The following NEURL4 variants were observed in gnomAD, a reference collection of about 807,000 sequenced individuals.
NEURL4 encodes the protein neuralized-like protein 4.
NEURL4 carries 45 observed loss-of-function variants against 148.0 expected under a neutral mutation model. The observed-to-expected ratio is 0.30, with a 90% CI of 0.24 to 0.39. The LOEUF (loss-of-function observed/expected upper bound fraction) is 0.39. NEURL4 is among the 10% of genes least tolerant of loss of function. NEURL4 has a pLI of 1.00. For synonymous variants in NEURL4, 854 were observed against 869.0 expected, an observed-to-expected ratio of 0.98 and a Z score of 0.30; for missense variants, 1,776 against 2,144.0, an observed-to-expected ratio of 0.83 and a Z score of 3.39.
intron 21 of NEURL4, 48 bp from the exon 22 acceptor site, chr17:7,319,256 C>A (rs2072993782): frequency 1.3e-6 from 2 of 1,541,324 alleles, no homozygotes; most frequent in South Asian, 2.4e-5. Context: ...TGGGAAGAAC[C>A]AGGCTCCGCA....
rs1363553112 is a variant in NEURL4 at position 7,326,635 on chromosome 17, TC to T, written c.1092+75del. ...CTTGGTTCTTCCCCAGGGCCCACCC[TC>T]CTAGCACCAAGGGTCAATCCCCATC... On this transcript the variant is annotated intron_variant, in intron 4 of 28. Transcript: ENST00000399464. The surrounding 1 kb of genome is among the most constrained non-coding windows in gnomAD (Gnocchi z 6.0). 8 of 1,604,900 alleles carry T rather than the reference TC, an allele frequency of 5.0e-6. No individual in the cohort carries two copies. Among genetic ancestry groups the T allele is most frequent in the Non-Finnish European group, 6.8e-6 (8 of 1,173,434 alleles).
chr17:7,318,230 G>A lies in NEURL4; in HGVS notation c.3952+39C>T, dbSNP rs2072978164. 8.1e-6 allele frequency: 13 copies of A among 1,610,538 alleles called. No homozygotes were observed. Among genetic ancestry groups the A allele is most frequent in the Non-Finnish European group, 1.0e-5 (12 of 1,176,710 alleles). ...CTGGGCTAGAAGGGTGAGGGTGGGGGAGTAGGGGCAGGAGCTGGGTCCCTT... is the reference window on the plus strand; with the variant it reads ...CTGGGCTAGAAGGGTGAGGGTGGGGAAGTAGGGGCAGGAGCTGGGTCCCTT... On this transcript the variant is annotated intron_variant, in intron 24 of 28. Transcript: ENST00000399464. The surrounding 1 kb of genome is among the most constrained non-coding windows in gnomAD (Gnocchi z 4.3).
chr17:7,317,639 G>A lies in NEURL4; in HGVS notation c.4206-66C>T, dbSNP rs117558598. The A allele has an allele frequency of 1.3e-3, 2,047 of 1,567,466 alleles. 53 individuals are homozygous for A. In the East Asian group the frequency reaches 0.038, roughly 29 times the overall value. On this transcript the variant is annotated intron_variant, in intron 26 of 28. Coordinates refer to ENST00000399464, the MANE Select transcript of NEURL4 (RefSeq NM_032442.3). ...TGACTCCCCAGTGGAGGAGCTTCAC[G>A]AGGCTCTTCCTTAGACAGGAAGTCC...
intron 21 of NEURL4, 69 bp downstream of exon 21, chr17:7,320,690 T>C (rs2073019944): frequency 4.7e-6 from 7 of 1,485,236 alleles, no homozygotes; most frequent in Non-Finnish European, 6.4e-6. Flanking sequence ...AAAAAGGCCT[T>C]TTTTCAGGGG....
rs939311897 is a variant in NEURL4, at chr17:7,318,849, C to T, written c.3685-175G>A. ...CCCCTCCCCTTCCCCAAAACTGGCA[C>T]ATTCTCAATGGCAGGGACACCGCAG... On this transcript the variant is annotated intron_variant, in intron 22 of 28. Coordinates refer to ENST00000399464, the MANE Select transcript of NEURL4 (RefSeq NM_032442.3). The surrounding 1 kb of genome is among the most constrained non-coding windows in gnomAD (Gnocchi z 4.3). 5 of 912,268 alleles carry T rather than the reference C, an allele frequency of 5.5e-6. No individual in the cohort carries two copies. Among genetic ancestry groups the T allele is most frequent in the Non-Finnish European group, 6.5e-6 (4 of 614,584 alleles). 56.5% of individuals were successfully genotyped at this position (912,268 alleles called of 1,614,324 possible).
In NEURL4 at chr17:7,321,286, C is replaced by T. The variant is rs973671983; in HGVS notation, c.3199-13G>A. ...CAGCCCACACGTTCTGGGAGGCACA[C>T]AAGACCCAGAAAATCAGAGATCAGC... On this transcript the variant is annotated splice_polypyrimidine_tract_variant and intron_variant, in intron 19 of 28. Coordinates refer to ENST00000399464, the MANE Select transcript of NEURL4 (RefSeq NM_032442.3). This position sits in a 1 kb window ranked among gnomAD's most constrained non-coding sequence, Gnocchi z 6.3. The T allele has an allele frequency of 7.4e-6, 12 of 1,613,050 alleles. No homozygotes were observed. The highest frequency in any genetic ancestry group is 1.0e-5 in the Non-Finnish European group (12 of 1,179,226).
At position 7,321,053 on chromosome 17, in the gene NEURL4, T is replaced by A; in HGVS notation, c.3360+59A>T. On this transcript the variant is annotated intron_variant, in intron 20 of 28. Coordinates refer to ENST00000399464, the MANE Select transcript of NEURL4 (RefSeq NM_032442.3). The surrounding 1 kb of genome is among the most constrained non-coding windows in gnomAD (Gnocchi z 6.3). ...CAGAGAACCCAGAAAAGGCCTGGCA[T>A]CCAACGGCCCAGCAACTGCCCATCC... 6.3e-7 allele frequency: 1 copy of A among 1,597,582 alleles called. No homozygotes were observed. The highest frequency in any genetic ancestry group is 2.2e-5 in the East Asian group (1 of 44,598).
At position 7,322,111 on chromosome 17, in the gene NEURL4, A is replaced by G. The variant is rs920050261; in HGVS notation, c.2726-101T>C. On this transcript the variant is annotated intron_variant, in intron 16 of 28. Transcript: ENST00000399464. This position sits in a 1 kb window ranked among gnomAD's most constrained non-coding sequence, Gnocchi z 5.5. ...CAGATGAAACGAAATGGGGATGCCA[A>G]CGCCCCATCTGCCATCTGCCATTAC... 8 of 1,318,104 alleles carry G rather than the reference A, an allele frequency of 6.1e-6. No homozygotes were observed. Among genetic ancestry groups the G allele is most frequent in the African/African-American group, 4.4e-5 (3 of 68,230 alleles). The allele number at this position is 1,318,104 out of a possible 1,614,324, so 81.7% of individuals were successfully genotyped here. A position where few individuals can be genotyped will look rare whatever the true frequency, so the allele number is the denominator to read the frequency against.
chr17:7,321,600 A>T lies in NEURL4; in HGVS notation c.3059T>A (p.Leu1020His). Residue 1020 changes from leucine (L) to histidine (H), a missense_variant, in exon 18 of 29, where the codon CTC becomes CAC. By Grantham distance (99) the Leu-to-His change is moderately conservative. Coordinates refer to ENST00000399464, the MANE Select transcript of NEURL4 (RefSeq NM_032442.3). This position sits in a 1 kb window ranked among gnomAD's most constrained non-coding sequence, Gnocchi z 6.3. The stretch of plus-strand genomic sequence containing the variant: ...GTTCCGGCCATAGTTCATCCTCTGG[A>T]GCTGCCCATCACGCCTCACTTCACA... ...SSCEVRRDGQ[L>H]QRMNYGRNLE... The T allele has an allele frequency of 6.2e-6, 10 of 1,614,040 alleles. No individual in the cohort carries two copies. The highest frequency in any genetic ancestry group is 8.5e-6 in the Non-Finnish European group (10 of 1,179,996).
Position 7,326,175 on chromosome 17 carries a change from C to T in NEURL4, c.1293+80G>A. The T allele has an allele frequency of 7.2e-7, 1 of 1,384,734 alleles. No homozygotes were observed. Among genetic ancestry groups the T allele is most frequent in the South Asian group, 1.2e-5 (1 of 82,684 alleles). The allele number at this position is 1,384,734 out of a possible 1,614,324, so 85.8% of individuals were successfully genotyped here. A position where few individuals can be genotyped will look rare whatever the true frequency, so the allele number is the denominator to read the frequency against. On this transcript the variant is annotated intron_variant, in intron 6 of 28. Transcript: ENST00000399464. The surrounding 1 kb of genome is among the most constrained non-coding windows in gnomAD (Gnocchi z 6.0). ...ACTGCCTCTAGGTCACATAGGAGAC[C>T]CTGCTTGGTGCCCTGGCAGGGACAC... is the stretch of plus-strand genomic sequence containing the variant.
At chr17:7,325,144 T>TGGGGGGGGGGGGGGC in intron 8 of NEURL4, 65 bp downstream of exon 8, 3 of 956,488 alleles carry the variant, frequency 3.1e-6, no homozygotes, top group Non-Finnish European at 4.6e-6. Context: ...TCCACTTCCT[T>TGGGGGGGGGGGGGGC]GCCCCGCCCC....
intron 21 of NEURL4, among the ~76,000 whole-genome samples, chr17:7,320,180 T>C (rs1473077015): frequency 4.0e-5 from 6 of 151,546 alleles, no homozygotes; most frequent in African/African-American, 4.9e-5. Context: ...TCTCCCAGGC[T>C]AGAGTGCGGT....
At chr17:7,325,144 T>TTGGGG in intron 8 of NEURL4, 65 bp downstream of exon 8, 11 of 956,472 alleles carry the variant, frequency 1.2e-5, no homozygotes, top group African/African-American at 1.9e-5. Context: ...TCCACTTCCT[T>TTGGGG]GCCCCGCCCC....
intron 1 of NEURL4, among the ~76,000 whole-genome samples, chr17:7,328,410 G>GT (rs924614893): frequency 2.0e-5 from 3 of 152,244 alleles, no homozygotes; most frequent in African/African-American, 4.8e-5. Context: ...GGTTTGTTCT[G>GT]TTTTTTTGAG....
intron 7 of NEURL4, 58 bp from the exon 8 acceptor site, chr17:7,325,531 CA>C: frequency 6.3e-7 from 1 of 1,596,712 alleles, no homozygotes; most frequent in Non-Finnish European, 8.5e-7. Flanking sequence ...GGGAGAAAGT[CA>C]AACACAGGGA....
Position 7,318,702 on chromosome 17 carries a change from G to A in NEURL4, c.3685-28C>T, listed in dbSNP as rs778822246. 2.5e-5 allele frequency: 39 copies of A among 1,587,320 alleles called. No individual in the cohort carries two copies. The East Asian group carries it at 8.1e-4, about 33-fold the overall frequency. ...GGGAGGAGAGACCGGCTGTCTTCCA[G>A]AGGTCAGACTCCACCGCGGCAGCTG... On this transcript the variant is annotated intron_variant, in intron 22 of 28. Coordinates refer to ENST00000399464, the MANE Select transcript of NEURL4 (RefSeq NM_032442.3). This position sits in a 1 kb window ranked among gnomAD's most constrained non-coding sequence, Gnocchi z 4.3.
At position 7,319,187 on chromosome 17, in the gene NEURL4, G is replaced by A. The variant is rs370632013; in HGVS notation, c.3547C>T (p.Arg1183Ter). The A allele has an allele frequency of 1.9e-6, 3 of 1,612,804 alleles. No individual in the cohort carries two copies. Among genetic ancestry groups the A allele is most frequent in the Non-Finnish European group, 2.5e-6 (3 of 1,179,434 alleles). ...LVQVRIDFLNRQWTSSLVLGV... is the reference protein window; with the variant it reads ...LVQVRIDFLN The stretch of plus-strand genomic sequence containing the variant: ...AGGACAAGGGAAGATGTCCACTGTC[G>A]GTTTAGGAAATCTATCCGCACCTGG... Residue 1183 changes from arginine (R) to a stop codon, truncating the protein, a stop_gained, in exon 22 of 29, where the codon CGA (arginine) becomes TGA (stop). Transcript: ENST00000399464. LOFTEE classifies it high-confidence loss of function.
rs116677917 is a variant in NEURL4 at position 7,318,369 on chromosome 17, G to A, written c.3865-13C>T. 5.6e-6 allele frequency: 9 copies of A among 1,613,632 alleles called. No homozygotes were observed. The Admixed American group carries it at 1.3e-4, about 24-fold the overall frequency. On this transcript the variant is annotated splice_polypyrimidine_tract_variant and intron_variant, in intron 23 of 28. Coordinates refer to ENST00000399464, the MANE Select transcript of NEURL4 (RefSeq NM_032442.3). This position sits in a 1 kb window ranked among gnomAD's most constrained non-coding sequence, Gnocchi z 4.3. ...TCACGATTGTCACCTGCAGGGGAGA[G>A]GGTAGTCAGACAGAGCTTGGTCAGA...
intron 21 of NEURL4, 70 bp from the exon 22 acceptor site, chr17:7,319,278 G>A: frequency 3.6e-6 from 5 of 1,401,966 alleles, no homozygotes; most frequent in Non-Finnish European, 3.9e-6. Flanking sequence ...CCCAGCCAGA[G>A]AGGGAATACT....
Sources: allele counts gnomAD v4.1 joint callset (sites outside exome capture counted in the v4.1 genomes callset), GRCh38; gene constraint gnomAD v4.1.1; non-coding constraint Gnocchi (gnomAD v3.1); transcripts MANE v1.5; gene names NCBI Gene and HGNC (gene_info 2026-07-23, HGNC 2026-07-21).